Variants in UBR2 observed in about 807,000 individuals in gnomAD.
UBR2 encodes E3 ubiquitin-protein ligase UBR2.
UBR2 carries 92 observed loss-of-function variants against 247.9 expected under a neutral mutation model. The ratio of observed to expected loss-of-function variants is 0.37; its 90% CI spans 0.31 to 0.44. The LOEUF is 0.44. Ranked by LOEUF, UBR2 falls within the 20% of genes least tolerant of loss-of-function variation. The probability of loss-of-function intolerance (pLI) is 1.00; values close to 1 mark genes in which losing one functional copy is unlikely to be tolerated. For synonymous variants in UBR2, 672 were observed against 693.5 expected, an observed-to-expected ratio of 0.97 and a Z score of 0.49; for missense variants, 1,613 against 2,112.6, an observed-to-expected ratio of 0.76 and a Z score of 4.64.
intron 1 of UBR2, among the ~76,000 whole-genome samples, chr6:42,566,308 A>G (rs1031545013): frequency 1.3e-5 from 2 of 151,962 alleles, no homozygotes; most frequent in African/African-American, 4.8e-5. Context: ...ATCAAGGAAA[A>G]TGCAACAAAA....
chr6:42,600,880 C>G (rs1562297531), intron 4 of UBR2, among the ~76,000 whole-genome samples: 1 of 152,134 alleles, frequency 6.6e-6, no homozygotes, highest in African/African-American at 2.4e-5. Context: ...TGGTCTCAAA[C>G]TCCTGGGCTC....
chr6:42,581,628 G>A (rs1481311261), intron 2 of UBR2, among the ~76,000 whole-genome samples: 1 of 152,124 alleles, frequency 6.6e-6, no homozygotes, highest in African/African-American at 2.4e-5. Context: ...CGCCCACCCT[G>A]GTTCTAGATC....
intron 43 of UBR2, 48 bp downstream of exon 43, chr6:42,683,159 G>T: frequency 6.6e-7 from 1 of 1,506,192 alleles, no homozygotes. Context: ...AGAAAGGGTG[G>T]AATCAGGATA....
At chr6:42,624,250 C>T (rs990891085) in intron 11 of UBR2, among the ~76,000 whole-genome samples, 1 of 152,006 alleles carries the variant, frequency 6.6e-6, no homozygotes, top group South Asian at 2.1e-4. Context: ...AAGTGATCCA[C>T]CTCAGCCTCC....
chr6:42,597,322 C>T (rs975728661), intron 4 of UBR2, among the ~76,000 whole-genome samples: 1 of 152,008 alleles, frequency 6.6e-6, no homozygotes, highest in Non-Finnish European at 1.5e-5. Flanking sequence ...TAAGGCCAGG[C>T]GCGGTGACTC....
At position 42,637,083 on chromosome 6, in the gene UBR2, G is replaced by T; in HGVS notation, c.1747G>T (p.Gly583Cys). ...LMQCHGGYTD[G>C]EQPITLSICG... Reference sequence around the variant, plus strand: ...GCAGTGTCATGGTGGTTATACTGATGGTGAACAGCCAATCACACTAAGCAT... The same window carrying T: ...GCAGTGTCATGGTGGTTATACTGATTGTGAACAGCCAATCACACTAAGCAT... The change falls in exon 15 of 47, where the codon GGT (glycine) becomes TGT (cysteine). Residue 583 changes from glycine to cysteine, a missense_variant. Physicochemically the swap from Gly to Cys is radical, Grantham distance 159 (BLOSUM62 -3). Coordinates refer to ENST00000372901, the MANE Select transcript of UBR2 (RefSeq NM_001363705.2). 6.2e-7 allele frequency: 1 copy of T among 1,614,066 alleles called. No homozygotes were observed. Among genetic ancestry groups the T allele is most frequent in the East Asian group, 2.2e-5 (1 of 44,872 alleles).
Position 42,594,313 on chromosome 6 carries a change from A to G in UBR2, c.531+9A>G. 1 of 1,593,978 alleles carries G rather than the reference A, an allele frequency of 6.3e-7. No individual in the cohort carries two copies. The highest frequency in any genetic ancestry group is 8.6e-7 in the Non-Finnish European group (1 of 1,168,448). ...AAATTGAGGAAGAAGAGGTAAAAACATTTTCACAAAGTTGTTTTTAACCCA... is the reference window on the plus strand; with the variant it reads ...AAATTGAGGAAGAAGAGGTAAAAACGTTTTCACAAAGTTGTTTTTAACCCA... On this transcript the variant is annotated intron_variant, in intron 4 of 46. Coordinates refer to ENST00000372901, the MANE Select transcript of UBR2 (RefSeq NM_001363705.2).
chr6:42,635,300 C>A, intron 13 of UBR2, 118 bp from the exon 14 acceptor site: 2 of 1,055,050 alleles, frequency 1.9e-6, no homozygotes, highest in Non-Finnish European at 2.7e-6. Flanking sequence ...CCTGTTAAAA[C>A]TTATACCTTC....
chr6:42,605,038 A>C lies in UBR2; in HGVS notation c.663-683A>C, dbSNP rs1031996073. ...TGAGACCCTATCTCAAAAAAAAAAC[A>C]AAAAACAAAAAAAACCATTATAAAC... On this transcript the variant is annotated intron_variant, in intron 5 of 46. Transcript: ENST00000372901. Among the ~76,000 whole-genome samples, 4 of 151,804 alleles carry C rather than the reference A, an allele frequency of 2.6e-5. No homozygotes were observed. In the South Asian group the frequency reaches 8.3e-4, roughly 32 times the overall value.
At chr6:42,568,509 C>G (rs183006688) in intron 1 of UBR2, among the ~76,000 whole-genome samples, 15 of 152,240 alleles carry the variant, frequency 9.9e-5, no homozygotes, top group African/African-American at 3.4e-4. Flanking sequence ...GCAGGTAGAT[C>G]ACAAGGTCAG....
At chr6:42,577,469 G>A (rs1472362451) in intron 2 of UBR2, among the ~76,000 whole-genome samples, 2 of 151,876 alleles carry the variant, frequency 1.3e-5, no homozygotes, top group Non-Finnish European at 2.9e-5. Context: ...GCTACTTTTT[G>A]TGTACTCTAT....
intron 11 of UBR2, among the ~76,000 whole-genome samples, chr6:42,631,046 C>T (rs1040749464): frequency 1.3e-5 from 2 of 152,132 alleles, no homozygotes; most frequent in Admixed American, 6.6e-5. Flanking sequence ...TCAAATAATC[C>T]GCCTGCCTCA....
chr6:42,632,764 A>C, intron 12 of UBR2, 41 bp from the exon 13 acceptor site: 1 of 1,587,994 alleles, frequency 6.3e-7, no homozygotes, highest in South Asian at 1.2e-5. Context: ...TAGAAAGTCA[A>C]TGTTTATGTT....
At position 42,665,435 on chromosome 6, in the gene UBR2, A is replaced by G. The variant is rs1798050857; in HGVS notation, c.3725A>G (p.Asn1242Ser). ...AGGTTAAATTTTTCAGACCAACCAAATCTGACTCAGTGGATTAGAACAATA... is the reference window on the plus strand; with the variant it reads ...AGGTTAAATTTTTCAGACCAACCAAGTCTGACTCAGTGGATTAGAACAATA... ...NNRLNFSDQP[N>S]LTQWIRTISQ... Residue 1242 changes from asparagine (N) to serine (S), a missense_variant, in exon 33 of 47, where the codon AAT becomes AGT. This residue lies in a region of UBR2 where 1,524 missense variants were observed against 1,967.3 expected (regional missense o/e 0.77). Coordinates refer to ENST00000372901, the MANE Select transcript of UBR2 (RefSeq NM_001363705.2). 6.2e-7 allele frequency: 1 copy of G among 1,613,070 alleles called. No individual in the cohort carries two copies. The highest frequency in any genetic ancestry group is 8.5e-7 in the Non-Finnish European group (1 of 1,179,510).
At chr6:42,675,484 A>C (rs932203376) in intron 38 of UBR2, among the ~76,000 whole-genome samples, 2 of 152,198 alleles carry the variant, frequency 1.3e-5, no homozygotes, top group African/African-American at 4.8e-5. Flanking sequence ...TGTTTTTGTT[A>C]ACAATAAGCT....
intron 42 of UBR2, among the ~76,000 whole-genome samples, chr6:42,682,357 C>G (rs1799107613): frequency 6.6e-6 from 1 of 151,780 alleles, no homozygotes; most frequent in African/African-American, 2.4e-5. Flanking sequence ...TATGAAGGTA[C>G]TTAATGCTAC....
intron 24 of UBR2, 143 bp from the exon 25 acceptor site, chr6:42,652,348 A>G: frequency 2.8e-6 from 3 of 1,072,034 alleles, no homozygotes; most frequent in Non-Finnish European, 4.0e-6. Flanking sequence ...CTTTTTATGC[A>G]TTTGACCTTG....
At chr6:42,648,603 TA>T (rs1242121552) in intron 22 of UBR2, among the ~76,000 whole-genome samples, 2 of 152,208 alleles carry the variant, frequency 1.3e-5, no homozygotes, top group African/African-American at 4.8e-5. Flanking sequence ...TTAAAGATAT[TA>T]AAGCAGTTTC....
intron 25 of UBR2, among the ~76,000 whole-genome samples, chr6:42,654,060 G>A (rs1166443682): frequency 1.3e-5 from 2 of 152,134 alleles, no homozygotes; most frequent in Admixed American, 6.5e-5. Context: ...GTAAAACCAG[G>A]ATTCAGATTC....
Sources: gnomAD v4.1 joint callset for allele counts (sites outside exome capture counted in the v4.1 genomes callset) on GRCh38, gnomAD v4.1.1 for gene constraint, gnomAD v4.1.1 regional missense constraint, MANE v1.5 for transcripts, NCBI Gene and HGNC (gene_info 2026-07-23, HGNC 2026-07-21) for gene names.